The following KAT6B variants were observed in gnomAD, a reference collection of about 807,000 sequenced individuals.
The protein encoded by KAT6B is histone acetyltransferase KAT6B.
In KAT6B, 10 loss-of-function variants were observed where a neutral mutation model predicts 187.5. That is an observed-to-expected ratio of 0.05 (90% CI 0.03 to 0.09). KAT6B has a LOEUF of 0.09. KAT6B is among the 10% of genes least tolerant of loss of function. The pLI is 1.00. For synonymous variants in KAT6B, 861 were observed against 926.8 expected (o/e 0.93, Z 1.29); for missense variants, 1,952 against 2,558.9 (o/e 0.76, Z 5.12).
intron 3 of KAT6B, among the ~76,000 whole-genome samples, chr10:74,889,607 T>C (rs1445540917): frequency 6.6e-6 from 1 of 152,194 alleles, no homozygotes; most frequent in African/African-American, 2.4e-5. Flanking sequence ...GGAGCAAGGC[T>C]CAGTGGATGG....
At chr10:75,026,436 G>C (rs1845842665) in intron 17 of KAT6B, among the ~76,000 whole-genome samples, 1 of 152,092 alleles carries the variant, frequency 6.6e-6, no homozygotes, top group Admixed American at 6.6e-5. Context: ...ACTTTAATCT[G>C]GGGAACAGGC....
intron 13 of KAT6B, among the ~76,000 whole-genome samples, chr10:75,004,054 G>GT (rs1263170029): frequency 5.3e-5 from 8 of 149,902 alleles, no homozygotes; most frequent in African/African-American, 2.0e-4. Flanking sequence ...GCAGGTGGTT[G>GT]GTTTTTTTTT....
chr10:74,905,233 A>G (rs980382108), intron 3 of KAT6B, among the ~76,000 whole-genome samples: 37 of 152,306 alleles, frequency 2.4e-4, no homozygotes, highest in African/African-American at 8.4e-4. Context: ...TTCATGAGGT[A>G]GTTTTTTGCC....
chr10:75,015,660 G>A (rs12221048), intron 13 of KAT6B, among the ~76,000 whole-genome samples: 4,591 of 152,240 alleles, frequency 0.03, 192 homozygotes, highest in East Asian at 0.16. Context: ...CCCTGGCCTC[G>A]TGTCTGTTCC....
chr10:74,966,681 A>G lies in KAT6B; in HGVS notation c.731-2979A>G, dbSNP rs908071891. ...ATTGCAAAATACAATAGTAAAACAAACTCCAGAAAGACAAAGCACCATGAA... is the reference window on the plus strand; with the variant it reads ...ATTGCAAAATACAATAGTAAAACAAGCTCCAGAAAGACAAAGCACCATGAA... On this transcript the variant is annotated intron_variant, in intron 4 of 17. Coordinates refer to ENST00000287239, the MANE Select transcript of KAT6B (RefSeq NM_012330.4). Among the ~76,000 whole-genome samples the G allele has an allele frequency of 3.3e-5, 5 of 152,214 alleles. No individual in the cohort carries two copies. The East Asian group carries it at 7.7e-4, about 23-fold the overall frequency.
chr10:74,840,134 A>G (rs182672413), intron 2 of KAT6B, among the ~76,000 whole-genome samples: 7 of 152,240 alleles, frequency 4.6e-5, no homozygotes, highest in Non-Finnish European at 1.0e-4. Flanking sequence ...GTTGGACTGC[A>G]TGCTCACCAT....
intron 4 of KAT6B, among the ~76,000 whole-genome samples, chr10:74,966,800 G>A (rs1435131875): frequency 1.3e-5 from 2 of 152,182 alleles, no homozygotes; most frequent in Non-Finnish European, 2.9e-5. Context: ...GCCAAGGCTG[G>A]TGGATTCTTG....
intron 3 of KAT6B, among the ~76,000 whole-genome samples, chr10:74,907,881 ATAAAAT>A (rs1846890149): frequency 6.6e-6 from 1 of 152,180 alleles, no homozygotes; most frequent in East Asian, 1.9e-4. Flanking sequence ...TTTGAACCTT[ATAAAAT>A]TACTGATTGT....
rs758891610 is a variant in KAT6B, at chr10:75,030,832, A to T, written c.6008A>T (p.Asn2003Ile). Reference sequence around the variant, plus strand: ...TACAGCATGTCCCAGCCAATGATGAACAGTGGCTACCACAGCAATCATGGC... The same window carrying T: ...TACAGCATGTCCCAGCCAATGATGATCAGTGGCTACCACAGCAATCATGGC... ...NGYSMSQPMM[N>I]SGYHSNHGYM... Residue 2003 changes from asparagine (N) to isoleucine (I), a missense_variant, in exon 18 of 18, where the codon AAC becomes ATC. By Grantham distance (149) the Asn-to-Ile change is moderately radical. Around this residue, in one of 9 missense-constraint regions of KAT6B, gnomAD observed 358 missense variants for 436.3 expected, o/e 0.82. Coordinates refer to ENST00000287239, the MANE Select transcript of KAT6B (RefSeq NM_012330.4). This position sits in a 1 kb window ranked among gnomAD's most constrained non-coding sequence, Gnocchi z 4.8. The T allele has an allele frequency of 6.2e-7, 1 of 1,614,224 alleles. No individual in the cohort carries two copies.
intron 3 of KAT6B, among the ~76,000 whole-genome samples, chr10:74,867,044 G>T (rs1843599197): frequency 6.6e-6 from 1 of 151,996 alleles, no homozygotes; most frequent in African/African-American, 2.4e-5. Flanking sequence ...TTTAAACCTT[G>T]TATGTTGGTT....
At chr10:74,929,687 T>C (rs1203365984) in intron 3 of KAT6B, among the ~76,000 whole-genome samples, 1 of 152,210 alleles carries the variant, frequency 6.6e-6, no homozygotes, top group Non-Finnish European at 1.5e-5. Context: ...TAGTTTCACA[T>C]ATATAAGCAG....
At chr10:74,968,020 G>A (rs1161700127) in intron 4 of KAT6B, among the ~76,000 whole-genome samples, 1 of 152,148 alleles carries the variant, frequency 6.6e-6, no homozygotes, top group East Asian at 1.9e-4. Flanking sequence ...AAGCTGATGG[G>A]ATCCATTTTA....
intron 3 of KAT6B, among the ~76,000 whole-genome samples, chr10:74,890,060 A>G (rs1183246481): frequency 4.6e-5 from 7 of 150,856 alleles, no homozygotes; most frequent in African/African-American, 1.7e-4. Context: ...TTTTTTTAAG[A>G]CAGAGTCTCA....
At chr10:74,873,479 A>G (rs1216513753) in intron 3 of KAT6B, among the ~76,000 whole-genome samples, 1 of 146,198 alleles carries the variant, frequency 6.8e-6, no homozygotes, top group African/African-American at 2.7e-5. Flanking sequence ...ATAAATAAAT[A>G]AAATAAAACT....
rs552382953 is a variant in KAT6B at position 74,827,569 on chromosome 10, A to G, written c.-329+784A>G. On this transcript the variant is annotated intron_variant, in intron 1 of 17. Transcript: ENST00000287239. ...TTGTGCTTGGGAGAGTTTCTGAAAG[A>G]TGATGCTAAGACAGCAGAGCAAACT... 5.9e-5 allele frequency among the ~76,000 whole-genome samples: 9 copies of G among 152,226 alleles called. No individual in the cohort carries two copies. In the South Asian group the frequency reaches 1.9e-3, roughly 32 times the overall value.
intron 3 of KAT6B, among the ~76,000 whole-genome samples, chr10:74,856,333 C>T (rs200617110): frequency 1.3e-5 from 2 of 152,110 alleles, no homozygotes; most frequent in Non-Finnish European, 2.9e-5. Flanking sequence ...GTGATCTACC[C>T]GCCTAGGCCT....
chr10:74,988,483 T>C (rs1228988733), intron 12 of KAT6B, among the ~76,000 whole-genome samples: 1 of 152,238 alleles, frequency 6.6e-6, no homozygotes, highest in Non-Finnish European at 1.5e-5. Context: ...TTTCTCTAGC[T>C]TTTTACATTG....
At chr10:74,999,517 A>G (rs1175452827) in intron 13 of KAT6B, among the ~76,000 whole-genome samples, 1 of 152,230 alleles carries the variant, frequency 6.6e-6, no homozygotes, top group African/African-American at 2.4e-5. Context: ...GAGCTCGCCA[A>G]GGAAATTTGC....
At chr10:74,998,876 T>C (rs537403451) in intron 13 of KAT6B, among the ~76,000 whole-genome samples, 8 of 152,272 alleles carry the variant, frequency 5.3e-5, no homozygotes, top group African/African-American at 1.9e-4. Context: ...TTCAGTGAAC[T>C]ATGATTGCAC....
Sources: gnomAD v4.1 joint callset for allele counts (sites outside exome capture counted in the v4.1 genomes callset) on GRCh38, gnomAD v4.1.1 for gene constraint, gnomAD v4.1.1 regional missense constraint, Gnocchi (gnomAD v3.1) non-coding constraint, MANE v1.5 for transcripts, NCBI Gene and HGNC (gene_info 2026-07-23, HGNC 2026-07-21) for gene names.